Variants in CSMD1 observed in about 807,000 individuals in gnomAD.
CSMD1 encodes the protein CUB and sushi domain-containing protein 1.
In CSMD1, 213 loss-of-function variants were observed where a neutral mutation model predicts 417.5. That is an observed-to-expected ratio of 0.51 (90% confidence interval 0.46 to 0.57). CSMD1 has a LOEUF of 0.57. Among genes scored for constraint, CSMD1 ranks in the 20% least tolerant of loss-of-function variants. The pLI is 0.00. For synonymous variants in CSMD1, 2,862 were observed against 1,736.8 expected, an observed-to-expected ratio of 1.65 and a Z score of -16.11; for missense variants, 6,923 against 4,529.7, an observed-to-expected ratio of 1.53 and a Z score of -15.17.
intron 5 of CSMD1, among the ~76,000 whole-genome samples, chr8:3,849,684 A>T (rs796668047): frequency 1.1e-4 from 17 of 152,190 alleles, no homozygotes; most frequent in African/African-American, 3.6e-4. Flanking sequence ...TGATGTTGTC[A>T]ACTGCTGAAA....
intron 45 of CSMD1, chr8:3,106,932 G>C (rs201285297): frequency 2.8e-5 from 7 of 250,648 alleles, no homozygotes; most frequent in Non-Finnish European, 5.3e-5. Context: ...CTGACGAAAA[G>C]AAAAAAAAAG....
intron 10 of CSMD1, among the ~76,000 whole-genome samples, chr8:3,534,429 G>C (rs1332350443): frequency 6.7e-6 from 1 of 150,096 alleles, no homozygotes; most frequent in African/African-American, 2.5e-5. Context: ...TTTGTTTTGG[G>C]CAAAGTGCCT....
At chr8:4,895,501 A>T (rs896577819) in intron 1 of CSMD1, among the ~76,000 whole-genome samples, 2 of 152,250 alleles carry the variant, frequency 1.3e-5, no homozygotes, top group Non-Finnish European at 2.9e-5. Context: ...TTCTTTCTTA[A>T]TTCACAGTCT....
chr8:4,188,180 C>T (rs560492659), intron 3 of CSMD1, among the ~76,000 whole-genome samples: 1 of 152,044 alleles, frequency 6.6e-6, no homozygotes, highest in African/African-American at 2.4e-5. Flanking sequence ...ATTCTTCTAA[C>T]GATGATTTTG....
At chr8:4,184,606 C>G (rs749329835) in intron 3 of CSMD1, among the ~76,000 whole-genome samples, 2 of 151,108 alleles carry the variant, frequency 1.3e-5, no homozygotes, top group East Asian at 1.9e-4. Context: ...CAAACTAACA[C>G]AGGAAAAAAA....
At chr8:3,396,934 G>C (rs1811737885) in intron 16 of CSMD1, among the ~76,000 whole-genome samples, 1 of 151,854 alleles carries the variant, frequency 6.6e-6, no homozygotes, top group Non-Finnish European at 1.5e-5. Context: ...CAAGACATTA[G>C]AACAACCATG....
intron 3 of CSMD1, among the ~76,000 whole-genome samples, chr8:4,149,098 G>C (rs186066246): frequency 4.2e-4 from 64 of 152,002 alleles, no homozygotes; most frequent in African/African-American, 1.1e-3. Flanking sequence ...CAAGTAGCTG[G>C]GATTACAGGC....
At chr8:3,158,272 T>C (rs1819658102) in intron 38 of CSMD1, among the ~76,000 whole-genome samples, 2 of 147,618 alleles carry the variant, frequency 1.4e-5, no homozygotes, top group African/African-American at 5.2e-5. Context: ...TTGGGCAAAA[T>C]ATGCATTTTT....
At chr8:4,020,538 G>C (rs566095004) in intron 4 of CSMD1, among the ~76,000 whole-genome samples, 19 of 152,296 alleles carry the variant, frequency 1.2e-4, no homozygotes, top group Non-Finnish European at 2.1e-4. Flanking sequence ...GAACATCTCA[G>C]ATAAGAAGAA....
intron 2 of CSMD1, among the ~76,000 whole-genome samples, chr8:4,623,619 A>G (rs1801905539): frequency 6.6e-6 from 1 of 152,168 alleles, no homozygotes; most frequent in African/African-American, 2.4e-5. Context: ...AATGTGGCAT[A>G]GCTGTATATT....
At chr8:3,706,006 G>T (rs1333199294) in intron 7 of CSMD1, among the ~76,000 whole-genome samples, 2 of 152,238 alleles carry the variant, frequency 1.3e-5, no homozygotes, top group Admixed American at 6.5e-5. Context: ...AGATGGTAAA[G>T]GATTCATGAG....
intron 3 of CSMD1, among the ~76,000 whole-genome samples, chr8:4,235,386 G>C (rs968798196): frequency 5.5e-5 from 8 of 146,422 alleles, no homozygotes; most frequent in Admixed American, 2.0e-4. Flanking sequence ...TTTGTTTTTT[G>C]TTTTTACTCA....
intron 37 of CSMD1, among the ~76,000 whole-genome samples, chr8:3,166,188 T>TA (rs950168596): frequency 2.0e-5 from 3 of 151,170 alleles, no homozygotes; most frequent in Non-Finnish European, 3.0e-5. Flanking sequence ...TCATGTACTT[T>TA]AAAAAAAAAG....
intron 5 of CSMD1, among the ~76,000 whole-genome samples, chr8:3,925,136 C>G (rs535334863): frequency 2.0e-4 from 30 of 152,220 alleles, no homozygotes; most frequent in Middle Eastern, 3.4e-3. Flanking sequence ...GCAGAGCCAC[C>G]CAGCTAATCC....
At chr8:4,943,869 G>C (rs1347893834) in intron 1 of CSMD1, among the ~76,000 whole-genome samples, 1 of 152,334 alleles carries the variant, frequency 6.6e-6, no homozygotes, top group Middle Eastern at 3.4e-3. Context: ...ATAAATAAGT[G>C]TAAGAGCCCA....
intron 5 of CSMD1, among the ~76,000 whole-genome samples, chr8:3,965,901 G>C (rs959974434): frequency 6.6e-6 from 1 of 152,166 alleles, no homozygotes; most frequent in Non-Finnish European, 1.5e-5. Flanking sequence ...ACAGGTATGA[G>C]CCACCATGCC....
intron 1 of CSMD1, among the ~76,000 whole-genome samples, chr8:4,726,665 G>A (rs1049196453): frequency 6.6e-6 from 1 of 152,114 alleles, no homozygotes; most frequent in Non-Finnish European, 1.5e-5. Context: ...TCCCTCCTCT[G>A]TTGCTCTGCT....
At chr8:3,883,736 G>C (rs1219913012) in intron 5 of CSMD1, among the ~76,000 whole-genome samples, 2 of 151,890 alleles carry the variant, frequency 1.3e-5, no homozygotes, top group African/African-American at 4.8e-5. Flanking sequence ...GTGATTCATT[G>C]AAACAACTGA....
intron 10 of CSMD1, among the ~76,000 whole-genome samples, chr8:3,548,788 C>A (rs945961485): frequency 1.3e-5 from 2 of 151,802 alleles, no homozygotes; most frequent in Non-Finnish European, 2.9e-5. Context: ...CATGCTTAAC[C>A]ACCTTCTCAG....
Sources: gnomAD v4.1 joint callset for allele counts (sites outside exome capture counted in the v4.1 genomes callset) on GRCh38, gnomAD v4.1.1 for gene constraint, MANE v1.5 for transcripts, NCBI Gene and HGNC (gene_info 2026-07-23, HGNC 2026-07-21) for gene names.